The following TBL1X variants were observed in gnomAD, a reference collection of about 807,000 sequenced individuals.
TBL1X encodes the protein F-box-like/WD repeat-containing protein TBL1X.
A neutral mutation model predicts 50.7 loss-of-function variants in TBL1X; 10 were observed. The ratio of observed to expected loss-of-function variants is 0.20; its 90% CI spans 0.12 to 0.33. The LOEUF (loss-of-function observed/expected upper bound fraction) is 0.33, where lower values mean the gene tolerates loss of function less well. Ranked by LOEUF, TBL1X falls within the 10% of genes least tolerant of loss-of-function variation. The pLI, the probability that TBL1X is intolerant of heterozygous loss-of-function variation, is 1.00. For synonymous variants in TBL1X, 190 were observed against 214.7 expected (o/e 0.88, Z 1.01); for missense variants, 340 against 504.4 (o/e 0.67, Z 3.12).
intron 5 of TBL1X, among the ~76,000 whole-genome samples, chrX:9,660,799 C>T (rs2082893707): frequency 8.9e-6 from 1 of 112,203 alleles, no homozygotes; most frequent in South Asian, 3.7e-4. Context: ...ATATATGGCT[C>T]TGTGTTATAT....
At chrX:9,554,845 A>G (rs1227704796) in intron 2 of TBL1X, among the ~76,000 whole-genome samples, 1 of 111,686 alleles carries the variant, frequency 9.0e-6, no homozygotes, top group Admixed American at 9.5e-5. Context: ...TCGAGACAGC[A>G]CAATTTTAGA....
intron 2 of TBL1X, among the ~76,000 whole-genome samples, chrX:9,546,285 G>A (rs768710032): frequency 3.6e-5 from 4 of 111,839 alleles, no homozygotes; most frequent in Non-Finnish European, 7.5e-5. Flanking sequence ...AGGCCGAGGC[G>A]GGCGGATCAC....
At chrX:9,709,596 T>TTC in intron 14 of TBL1X, 37 bp from the exon 15 acceptor site, 1 of 1,203,012 alleles carries the variant, frequency 8.3e-7, no homozygotes, top group Non-Finnish European at 1.1e-6. Context: ...GATGCAGGAA[T>TTC]GGCTTTTGCT....
intron 2 of TBL1X, among the ~76,000 whole-genome samples, chrX:9,581,985 G>C (rs1284075695): frequency 8.9e-6 from 1 of 112,240 alleles, no homozygotes; most frequent in East Asian, 2.8e-4. Flanking sequence ...TTTAGGTGAA[G>C]CTGGAACACA....
intron 2 of TBL1X, among the ~76,000 whole-genome samples, chrX:9,575,819 A>G (rs761429618): frequency 4.5e-5 from 5 of 112,046 alleles, no homozygotes; most frequent in Non-Finnish European, 9.4e-5. Flanking sequence ...CATAAATATT[A>G]TAATGCTGTG....
chrX:9,639,157 A>G (rs1408642746), intron 2 of TBL1X, among the ~76,000 whole-genome samples: 1 of 110,582 alleles, frequency 9.0e-6, no homozygotes, highest in Non-Finnish European at 1.9e-5. Flanking sequence ...ACCTGCTTGT[A>G]GGTTTTTTTT....
At chrX:9,585,969 C>CA (rs1343783028) in intron 2 of TBL1X, among the ~76,000 whole-genome samples, 1 of 111,175 alleles carries the variant, frequency 9.0e-6, no homozygotes, top group Non-Finnish European at 1.9e-5. Flanking sequence ...TGGGTACCAT[C>CA]AAAAAAACAA....
intron 2 of TBL1X, among the ~76,000 whole-genome samples, chrX:9,626,100 G>A (rs766889100): frequency 1.8e-5 from 2 of 111,823 alleles, no homozygotes; most frequent in Admixed American, 1.9e-4. Context: ...GCAGTGAGGG[G>A]CAGGGTGTTA....
intron 2 of TBL1X, among the ~76,000 whole-genome samples, chrX:9,561,119 C>T (rs773967906): frequency 9.0e-5 from 10 of 111,586 alleles, no homozygotes; most frequent in Non-Finnish European, 1.5e-4. Flanking sequence ...TGACCCATCA[C>T]CATGACATCT....
At chrX:9,639,461 A>G (rs2082764082) in intron 2 of TBL1X, among the ~76,000 whole-genome samples, 1 of 112,135 alleles carries the variant, frequency 8.9e-6, no homozygotes, top group Non-Finnish European at 1.9e-5. Flanking sequence ...ATTCACAACC[A>G]AAGAAATTTT....
At chrX:9,588,896 C>T (rs1322674459) in intron 2 of TBL1X, among the ~76,000 whole-genome samples, 1 of 111,144 alleles carries the variant, frequency 9.0e-6, no homozygotes, top group Non-Finnish European at 1.9e-5. Context: ...AGCCACTGCG[C>T]CCGTCCTCAT....
intron 5 of TBL1X, among the ~76,000 whole-genome samples, chrX:9,681,200 C>T (rs765936353): frequency 4.5e-5 from 5 of 112,205 alleles, no homozygotes; most frequent in Non-Finnish European, 7.5e-5. Context: ...GCTGCACCCA[C>T]GCTGGCTGCT....
At position 9,717,331 on chromosome X, in the gene TBL1X, A is replaced by G. The variant is rs954543710; in HGVS notation, c.*1085A>G. 2 of 112,372 alleles carry G rather than the reference A, an allele frequency of 1.8e-5. No individual in the cohort carries two copies. The highest frequency in any genetic ancestry group is 6.5e-5 in the African/African-American group (2 of 30,940). The allele number at this position is 112,372 out of a possible 1,213,427, so 9.3% of individuals were successfully genotyped here. A position where few individuals can be genotyped will look rare whatever the true frequency, so the allele number is the denominator to read the frequency against. On this transcript the variant is annotated 3_prime_UTR_variant, in exon 18 of 18. Transcript: ENST00000645353. The stretch of plus-strand genomic sequence containing the variant: ...AGACATAGAGAGCTTTGTGTGATTC[A>G]TGTTTTAAAAAGAACCGAAGAAGCC...
intron 5 of TBL1X, among the ~76,000 whole-genome samples, chrX:9,662,071 A>G (rs1458360395): frequency 1.8e-5 from 2 of 111,427 alleles, no homozygotes; most frequent in Non-Finnish European, 3.8e-5. Flanking sequence ...TTCATATCCT[A>G]GGCCTCTGAA....
intron 2 of TBL1X, among the ~76,000 whole-genome samples, chrX:9,504,141 G>A (rs1448221657): frequency 1.8e-5 from 2 of 111,210 alleles, no homozygotes; most frequent in Non-Finnish European, 3.8e-5. Context: ...GCATGGGAGC[G>A]AATCAGATGA....
At chrX:9,509,115 C>T (rs370693030) in intron 2 of TBL1X, among the ~76,000 whole-genome samples, 15 of 107,358 alleles carry the variant, frequency 1.4e-4, no homozygotes, top group South Asian at 8.2e-4. Flanking sequence ...AAGCCGGGTG[C>T]GGTGGCTCAC....
chrX:9,470,220 G>A (rs750087434), intron 1 of TBL1X, among the ~76,000 whole-genome samples: 7 of 112,668 alleles, frequency 6.2e-5, no homozygotes, highest in Non-Finnish European at 1.1e-4. Context: ...ATTCCCTCAA[G>A]CACTTATTCT....
intron 2 of TBL1X, among the ~76,000 whole-genome samples, chrX:9,616,696 T>C (rs749950533): frequency 2.7e-5 from 3 of 112,356 alleles, no homozygotes; most frequent in Non-Finnish European, 5.6e-5. Flanking sequence ...TTAAAACTTA[T>C]GCAAATGGGA....
At chrX:9,492,858 T>TA (rs1227736031) in intron 1 of TBL1X, among the ~76,000 whole-genome samples, 5 of 40,220 alleles carry the variant, frequency 1.2e-4, no homozygotes, top group African/African-American at 2.3e-4. Context: ...TGTGTGTGTG[T>TA]GTGTGTGTGT....
Sources: allele counts gnomAD v4.1 joint callset (sites outside exome capture counted in the v4.1 genomes callset), GRCh38; gene constraint gnomAD v4.1.1; transcripts MANE v1.5; gene names NCBI Gene and HGNC (gene_info 2026-07-23, HGNC 2026-07-21).